Variants in XAF1 observed in about 807,000 individuals in gnomAD.
XAF1 encodes the protein XIAP-associated factor 1.
A neutral mutation model predicts 32.3 loss-of-function variants in XAF1; 32 were observed. That is an observed-to-expected ratio of 0.99 (90% CI 0.75 to 1.33). XAF1 has a LOEUF of 1.33. Ranked by LOEUF, XAF1 falls within the 40% of genes most tolerant of loss-of-function variation. The pLI is 0.00. For missense variants in XAF1, 379 were observed against 366.0 expected, an observed-to-expected ratio of 1.04 and a Z score of -0.29; for synonymous variants, 120 against 125.9, an observed-to-expected ratio of 0.95 and a Z score of 0.31.
chr17:6,757,282 C>A (rs1054505522), intron 1 of XAF1: 2 of 152,422 alleles, frequency 1.3e-5, no homozygotes, highest in African/African-American at 4.8e-5. Context: ...GGATTACAGG[C>A]ATGAGCCACC....
rs753083406 is a variant in XAF1, at chr17:6,770,843, CA to C, written c.712del (p.Thr238ProfsTer6). 15 of 1,613,710 alleles carry C rather than the reference CA, an allele frequency of 9.3e-6. 1 individual carries two copies. Among genetic ancestry groups the C allele is most frequent in the Non-Finnish European group, 1.3e-5 (15 of 1,179,932 alleles). On this transcript the variant is annotated frameshift_variant, in exon 6 of 7. Coordinates refer to ENST00000361842, the MANE Select transcript of XAF1 (RefSeq NM_017523.5). LOFTEE classifies it high-confidence loss of function. ...SSKKAPRSKN[K>X]TLDPLLMSEP... ...CAAAGAAAGCACCAAGAAGCAAAAA[CA>C]AAACCTTGGATCCACTTTTGATGTC...
At chr17:6,759,095 AG>A (rs1351283719) in intron 2 of XAF1, 1 of 1,008,430 alleles carries the variant, frequency 9.9e-7, no homozygotes, top group African/African-American at 1.7e-5. Flanking sequence ...TGGGGACTTA[AG>A]GCAAGGGTCC....
intron 5 of XAF1, among the ~76,000 whole-genome samples, chr17:6,768,133 T>A (rs543877408): frequency 6.6e-6 from 1 of 152,002 alleles, no homozygotes; most frequent in African/African-American, 2.4e-5. Flanking sequence ...TTCTTTCTTT[T>A]TTTTTTTGAG....
rs1051567594 is a variant in XAF1, at chr17:6,770,690, A to G, written c.555A>G (p.Gly185=). ...AGTTTAAGAAACACTTTCCTGTTGG[A>G]AATCCAGAAATTCTTCCTTCATCTC... ...DSEFKKHFPV[G]NPEILPSSLP... Residue 185 remains glycine, a synonymous_variant, in exon 6 of 7, where the codon GGA becomes GGG. Coordinates refer to ENST00000361842, the MANE Select transcript of XAF1 (RefSeq NM_017523.5). The G allele has an allele frequency of 1.2e-6, 2 of 1,609,530 alleles. No homozygotes were observed. The highest frequency in any genetic ancestry group is 1.7e-6 in the Non-Finnish European group (2 of 1,178,858).
intron 2 of XAF1, chr17:6,758,578 G>C (rs1007606346): frequency 5.2e-6 from 2 of 382,030 alleles, no homozygotes; most frequent in South Asian, 4.4e-5. Flanking sequence ...CTCTCTGCAG[G>C]TGAGATGGGG....
intron 5 of XAF1, among the ~76,000 whole-genome samples, chr17:6,765,839 GTC>G (rs1975582380): frequency 6.6e-6 from 1 of 152,170 alleles, no homozygotes; most frequent in Non-Finnish European, 1.5e-5. Context: ...AAAAATACAA[GTC>G]AGATTGTTTG....
rs753183475 is a variant in XAF1, at chr17:6,759,815, C to A, written c.225+97C>A. On this transcript the variant is annotated intron_variant, in intron 3 of 6. Transcript: ENST00000361842. ...GGGAGGCCAGTAATAGAGATTTCCA[C>A]CTGACCACTCTTTTCACCCCATTAG... 7.6e-6 allele frequency: 12 copies of A among 1,585,918 alleles called. No homozygotes were observed. In the African/African-American group the frequency reaches 1.5e-4, roughly 19 times the overall value.
intron 4 of XAF1, 36 bp downstream of exon 4, chr17:6,760,637 C>T: frequency 1.3e-6 from 2 of 1,581,792 alleles, no homozygotes; most frequent in Non-Finnish European, 1.7e-6. Flanking sequence ...AGAGACGTTC[C>T]AAGGGCCAGA....
At chr17:6,756,143 G>T in intron 1 of XAF1, 33 bp downstream of exon 1, 1 of 1,613,948 alleles carries the variant, frequency 6.2e-7, no homozygotes, top group Non-Finnish European at 8.5e-7. Flanking sequence ...GGCAGACCCG[G>T]GCTGGCGAGG....
In XAF1 at chr17:6,759,648, GT is replaced by G. The variant is rs1975017888; in HGVS notation, c.169-13del. The G allele has an allele frequency of 6.2e-7, 1 of 1,612,292 alleles. No homozygotes were observed. The highest frequency in any genetic ancestry group is 1.7e-5 in the Admixed American group (1 of 60,004). On this transcript the variant is annotated splice_polypyrimidine_tract_variant and intron_variant, in intron 2 of 6. Coordinates refer to ENST00000361842, the MANE Select transcript of XAF1 (RefSeq NM_017523.5). ...ACATCTGGTGTGTGTGTGTGTGTGT[GT>G]GTGTGTGTTTAGGTTGGGTGTACGA... is the stretch of plus-strand genomic sequence containing the variant.
intron 4 of XAF1, chr17:6,761,758 C>T: frequency 1.8e-6 from 2 of 1,088,640 alleles, no homozygotes; most frequent in Non-Finnish European, 2.4e-6. Context: ...AGCTTCAACA[C>T]TGTCAACAAA....
rs529928566 is a variant in XAF1 at position 6,770,682 on chromosome 17, C to T, written c.547C>T (p.Pro183Ser). The T allele has an allele frequency of 1.9e-6, 3 of 1,608,164 alleles. No homozygotes were observed. The highest frequency in any genetic ancestry group is 2.2e-5 in the South Asian group (2 of 89,376). ...AGACTCAGAGTTTAAGAAACACTTT[C>T]CTGTTGGAAATCCAGAAATTCTTCC... Reference protein sequence around the residue: ...CPDSEFKKHFPVGNPEILPSS... With the variant: ...CPDSEFKKHFSVGNPEILPSS... Residue 183 changes from proline (P) to serine (S), a missense_variant, in exon 6 of 7, where the codon CCT becomes TCT. By Grantham distance (74) the Pro-to-Ser change is moderately conservative. Coordinates refer to ENST00000361842, the MANE Select transcript of XAF1 (RefSeq NM_017523.5).
rs750648843 is a variant in XAF1 at position 6,771,047 on chromosome 17, T to C, written c.849+63T>C. ...CCATCCGCACAGTGTCTTAAAAAAA[T>C]CCAAGACCTGAAAGATGTTCACAAA... On this transcript the variant is annotated intron_variant, in intron 6 of 6. Transcript: ENST00000361842. 4.5e-6 allele frequency: 7 copies of C among 1,545,632 alleles called. No individual in the cohort carries two copies. In the Admixed American group the frequency reaches 1.3e-4, roughly 30 times the overall value.
chr17:6,756,908 T>C (rs1974721439), intron 1 of XAF1, among the ~76,000 whole-genome samples: 1 of 152,062 alleles, frequency 6.6e-6, no homozygotes, highest in Non-Finnish European at 1.5e-5. Context: ...CCTTTACGGC[T>C]ACAGCCACCC....
intron 4 of XAF1, chr17:6,761,856 C>A: frequency 7.1e-7 from 1 of 1,408,630 alleles, no homozygotes; most frequent in Non-Finnish European, 9.4e-7. Context: ...GGGTTGGCAT[C>A]CGTGGCTACA....
At chr17:6,772,786 C>T (rs1350698946) in intron 6 of XAF1, 1 of 227,916 alleles carries the variant, frequency 4.4e-6, no homozygotes, top group Non-Finnish European at 8.5e-6. Context: ...TCTTTACATC[C>T]TAATGTAAAT....
At position 6,773,217 on chromosome 17, in the gene XAF1, C is replaced by T; in HGVS notation, c.*48C>T. The T allele has an allele frequency of 1.3e-6, 2 of 1,520,040 alleles. No individual in the cohort carries two copies. Among genetic ancestry groups the T allele is most frequent in the East Asian group, 2.3e-5 (1 of 42,952 alleles). 94.2% of individuals were successfully genotyped at this position (1,520,040 alleles called of 1,614,324 possible). ...CAAATTCAAAAGATTTCACTTTTAACACTGGCATTCCTGCCTACTTGCTGT... is the reference window on the plus strand; with the variant it reads ...CAAATTCAAAAGATTTCACTTTTAATACTGGCATTCCTGCCTACTTGCTGT... On this transcript the variant is annotated 3_prime_UTR_variant, in exon 7 of 7. Transcript: ENST00000361842.
rs1974853655 is a variant in XAF1 at position 6,758,226 on chromosome 17, TGAG to T, written c.168+7_168+9del. 1 of 1,613,988 alleles carries T rather than the reference TGAG, an allele frequency of 6.2e-7. No homozygotes were observed. The highest frequency in any genetic ancestry group is 8.5e-7 in the Non-Finnish European group (1 of 1,179,980). ...CACTGCAAGCTTGAGCACCAGCAGG[TGAG>T]GAGGCGGCAGGGAGGATGGGGTCTG... On this transcript the variant is annotated splice_donor_5th_base_variant and intron_variant, in intron 2 of 6. Coordinates refer to ENST00000361842, the MANE Select transcript of XAF1 (RefSeq NM_017523.5).
chr17:6,771,857 A>C (rs774730677), intron 6 of XAF1: 11 of 152,226 alleles, frequency 7.2e-5, no homozygotes, highest in Non-Finnish European at 1.5e-4. Flanking sequence ...ATACCCTGAG[A>C]TACCACTTTG....
Sources: gnomAD v4.1 joint callset for allele counts (sites outside exome capture counted in the v4.1 genomes callset) on GRCh38, gnomAD v4.1.1 for gene constraint, MANE v1.5 for transcripts, NCBI Gene and HGNC (gene_info 2026-07-23, HGNC 2026-07-21) for gene names.